The following CADM3 variants were observed in gnomAD, a reference collection of about 807,000 sequenced individuals.
CADM3 encodes cell adhesion molecule 3.
Under a neutral mutation model 44.9 loss-of-function variants are expected in CADM3, and 11 were observed. The observed-to-expected ratio is 0.25, with a 90% CI of 0.15 to 0.41. The LOEUF (loss-of-function observed/expected upper bound fraction) is 0.41. Ranked by LOEUF, CADM3 falls within the 10% of genes least tolerant of loss-of-function variation. The pLI, the probability that CADM3 is intolerant of heterozygous loss-of-function variation, is 1.00. For synonymous variants in CADM3, 207 were observed against 205.2 expected, an observed-to-expected ratio of 1.01 and a Z score of -0.08; for missense variants, 426 against 512.0, an observed-to-expected ratio of 0.83 and a Z score of 1.62.
At chr1:159,192,956 C>G (rs1028148836) in intron 3 of CADM3, among the ~76,000 whole-genome samples, 5 of 152,188 alleles carry the variant, frequency 3.3e-5, no homozygotes, top group African/African-American at 9.7e-5. Context: ...CTCTTTGAGT[C>G]TGAATTTTCT....
At chr1:159,182,295 C>T (rs1469885751) in intron 1 of CADM3, among the ~76,000 whole-genome samples, 1 of 152,202 alleles carries the variant, frequency 6.6e-6, no homozygotes, top group Non-Finnish European at 1.5e-5. Flanking sequence ...ATTTAGTAGA[C>T]TTACTTCTCT....
chr1:159,193,812 G>A, intron 4 of CADM3, 58 bp from the exon 5 acceptor site: 1 of 1,594,352 alleles, frequency 6.3e-7, no homozygotes, highest in Non-Finnish European at 8.6e-7. Flanking sequence ...TGTATGTTAG[G>A]TTTACTCTGT....
chr1:159,199,159 C>T (rs1650037079), intron 7 of CADM3, among the ~76,000 whole-genome samples: 1 of 152,010 alleles, frequency 6.6e-6, no homozygotes, highest in African/African-American at 2.4e-5. Context: ...ACTGTTCCTT[C>T]CCTATCTGAT....
At chr1:159,198,794 C>A (rs888034272) in intron 7 of CADM3, among the ~76,000 whole-genome samples, 1 of 152,152 alleles carries the variant, frequency 6.6e-6, no homozygotes, top group Non-Finnish European at 1.5e-5. Context: ...ACACCCGGCC[C>A]AGTCTGTGCT....
At chr1:159,179,740 A>C (rs1012834059) in intron 1 of CADM3, among the ~76,000 whole-genome samples, 1 of 152,200 alleles carries the variant, frequency 6.6e-6, no homozygotes, top group Non-Finnish European at 1.5e-5. Flanking sequence ...GTCAGTCTGA[A>C]GAGCCTGGAG....
Position 159,199,752 on chromosome 1 carries a change from C to T in CADM3, c.954C>T (p.Asp318=), listed in dbSNP as rs374461427. ...YKAYYTLNVN[D]PSPVPSSSST... Reference sequence around the variant, plus strand: ...TGTGTGTGTTGCCCTTTCTTCCAGACCCCAGTCCGGTGCCCTCCTCCTCCA... The same window carrying T: ...TGTGTGTGTTGCCCTTTCTTCCAGATCCCAGTCCGGTGCCCTCCTCCTCCA... The change falls in exon 8 of 9, where the codon GAC becomes GAT. Residue 318 remains aspartate, a splice_region_variant and synonymous_variant. Transcript: ENST00000368125. 3 of 1,614,068 alleles carry T rather than the reference C, an allele frequency of 1.9e-6. No individual in the cohort carries two copies. Among genetic ancestry groups the T allele is most frequent in the Non-Finnish European group, 2.5e-6 (3 of 1,180,018 alleles).
intron 1 of CADM3, among the ~76,000 whole-genome samples, chr1:159,188,218 G>T (rs1232645326): frequency 6.6e-6 from 1 of 151,682 alleles, no homozygotes; most frequent in East Asian, 2.0e-4. Flanking sequence ...AACGCTGCCT[G>T]CTTCCTGCCT....
At position 159,194,001 on chromosome 1, in the gene CADM3, G is replaced by A; in HGVS notation, c.652G>A (p.Gly218Arg). ...CTCTGTGAACCATGAATCTCTAAAG[G>A]GAGCTGACAGATCCACCTCTCAACG... The part of the protein sequence containing the change: ...VCSVNHESLK[G>R]ADRSTSQRIE... Residue 218 changes from glycine (G) to arginine (R), a missense_variant, in exon 5 of 9, where the codon GGA (glycine) becomes AGA (arginine). Transcript: ENST00000368125. 1 of 1,614,096 alleles carries A rather than the reference G, an allele frequency of 6.2e-7. No homozygotes were observed. The highest frequency in any genetic ancestry group is 1.1e-5 in the South Asian group (1 of 91,062).
At chr1:159,199,906 A>G (rs763441763) in intron 8 of CADM3, 30 bp downstream of exon 8, 19 of 1,609,960 alleles carry the variant, frequency 1.2e-5, no homozygotes, top group Non-Finnish European at 1.4e-5. Flanking sequence ...CATCAGCAGA[A>G]CTTGGGAGGG....
At chr1:159,175,802 C>T (rs1357725431) in intron 1 of CADM3, among the ~76,000 whole-genome samples, 1 of 152,168 alleles carries the variant, frequency 6.6e-6, no homozygotes, top group African/African-American at 2.4e-5. Context: ...GAGAGAGTGA[C>T]TCATAGTTCT....
chr1:159,188,912 C>T (rs770936208), intron 1 of CADM3, among the ~76,000 whole-genome samples: 3 of 152,032 alleles, frequency 2.0e-5, no homozygotes, highest in Non-Finnish European at 4.4e-5. Context: ...TCAAGAAAGG[C>T]GTTAGGAGCC....
In CADM3 at chr1:159,200,731, T is replaced by C. The variant is rs574216164; in HGVS notation, c.1079-73T>C. 13 of 1,082,776 alleles carry C rather than the reference T, an allele frequency of 1.2e-5. No homozygotes were observed. The East Asian group carries it at 3.5e-4, about 29-fold the overall frequency. The allele number at this position is 1,082,776 out of a possible 1,614,324, so 67.1% of individuals were successfully genotyped here. The stretch of plus-strand genomic sequence containing the variant: ...CTTGAGCAGTGTGTGAGTGGGTGGG[T>C]GAGAAAGTGGGCAGGGTGGACTCAG... On this transcript the variant is annotated intron_variant, in intron 8 of 8. Coordinates refer to ENST00000368125, the MANE Select transcript of CADM3 (RefSeq NM_001127173.3).
At chr1:159,193,378 A>T (rs369236148) in intron 3 of CADM3, 45 bp from the exon 4 acceptor site, 3 of 1,550,894 alleles carry the variant, frequency 1.9e-6, no homozygotes, top group Non-Finnish European at 2.6e-6. Flanking sequence ...GTGTGACCCC[A>T]TGGGGCCTCT....
chr1:159,192,135 A>C (rs575750251), intron 2 of CADM3, 59 bp downstream of exon 2: 265 of 1,566,144 alleles, frequency 1.7e-4, no homozygotes, highest in Non-Finnish European at 2.0e-4. Context: ...AGGGGACTGC[A>C]GACACCGAGG....
intron 1 of CADM3, among the ~76,000 whole-genome samples, chr1:159,185,974 AAAGT>A (rs1337948465): frequency 6.6e-6 from 1 of 152,248 alleles, no homozygotes; most frequent in South Asian, 2.1e-4. Context: ...AAAAGCAGAT[AAAGT>A]GTGTAACTCA....
intron 1 of CADM3, chr1:159,189,967 A>T: frequency 1.2e-6 from 1 of 801,896 alleles, no homozygotes; most frequent in Non-Finnish European, 2.0e-6. Flanking sequence ...ACATGTTCTC[A>T]CTCCTCTCAT....
Position 159,171,744 on chromosome 1 carries a change from A to T in CADM3, c.-22A>T, listed in dbSNP as rs769672980. On this transcript the variant is annotated 5_prime_UTR_variant, in exon 1 of 9. Coordinates refer to ENST00000368125, the MANE Select transcript of CADM3 (RefSeq NM_001127173.3). ...GATTCAGGCTCGCCAGCGCCCAGCC[A>T]GGGAGCCGGCCGGGAAGCGCGATGG... 6.8e-5 allele frequency: 83 copies of T among 1,229,072 alleles called. No homozygotes were observed. The African/African-American group carries it at 1.2e-3, about 18-fold the overall frequency. 76.1% of individuals were successfully genotyped at this position (1,229,072 alleles called of 1,614,324 possible). A position where few individuals can be genotyped will look rare whatever the true frequency, so the allele number is the denominator to read the frequency against.
At chr1:159,182,086 A>ACG (rs1386012736) in intron 1 of CADM3, among the ~76,000 whole-genome samples, 1 of 120,768 alleles carries the variant, frequency 8.3e-6, no homozygotes, top group African/African-American at 2.7e-5. Context: ...ACACACACAC[A>ACG]CGCACACACA....
In CADM3 at chr1:159,193,856, T is replaced by C. The variant is rs751003405; in HGVS notation, c.521-14T>C. 5.6e-6 allele frequency: 9 copies of C among 1,611,738 alleles called. No individual in the cohort carries two copies. The highest frequency in any genetic ancestry group is 7.6e-6 in the Non-Finnish European group (9 of 1,178,578). On this transcript the variant is annotated splice_polypyrimidine_tract_variant and intron_variant, in intron 4 of 8. Transcript: ENST00000368125. ...CTGTGTGTTTGTGTGTGTGCCACTG[T>C]TTCTGCACTCTAGGAGAACCAACCC...
Sources: allele counts gnomAD v4.1 joint callset (sites outside exome capture counted in the v4.1 genomes callset), GRCh38; gene constraint gnomAD v4.1.1; transcripts MANE v1.5; gene names NCBI Gene and HGNC (gene_info 2026-07-23, HGNC 2026-07-21).